The following CCDC63 variants were observed in gnomAD, a reference collection of about 807,000 sequenced individuals.
The protein encoded by CCDC63 is coiled-coil domain containing 63.
Under a neutral mutation model 63.6 loss-of-function variants are expected in CCDC63, and 54 were observed. The observed-to-expected ratio is 0.85, with a 90% CI of 0.68 to 1.07. CCDC63 has a LOEUF of 1.07. CCDC63 is among the 50% of genes least tolerant of loss of function. The pLI, the probability that CCDC63 is intolerant of heterozygous loss-of-function variation, is 0.00. For synonymous variants in CCDC63, 253 were observed against 266.1 expected, an observed-to-expected ratio of 0.95 and a Z score of 0.48; for missense variants, 637 against 689.6, an observed-to-expected ratio of 0.92 and a Z score of 0.86.
At chr12:110,906,022 T>TTATATTATATAA (rs2071571889) in intron 11 of CCDC63, among the ~76,000 whole-genome samples, 1 of 38,790 alleles carries the variant, frequency 2.6e-5, no homozygotes, top group Admixed American at 5.6e-4. Flanking sequence ...ATAATATATA[T>TTATATTATATAA]TATATATTAT....
chr12:110,905,476 G>C (rs188396161), intron 11 of CCDC63, among the ~76,000 whole-genome samples: 2 of 152,034 alleles, frequency 1.3e-5, no homozygotes, highest in Non-Finnish European at 2.9e-5. Flanking sequence ...TATGGGAACC[G>C]ATCCTTCCAG....
At chr12:110,850,288 G>T (rs2070689898) in intron 1 of CCDC63, among the ~76,000 whole-genome samples, 1 of 152,236 alleles carries the variant, frequency 6.6e-6, no homozygotes, top group Non-Finnish European at 1.5e-5. Context: ...TCCCATTGGT[G>T]AGAATTCATC....
At chr12:110,847,477 C>T (rs2070652373) in intron 1 of CCDC63, among the ~76,000 whole-genome samples, 1 of 151,678 alleles carries the variant, frequency 6.6e-6, no homozygotes, top group Non-Finnish European at 1.5e-5. Flanking sequence ...TCGCTTAAGC[C>T]CGGGAAGGTT....
At position 110,880,086 on chromosome 12, in the gene CCDC63, AGGTGGG is replaced by A; in HGVS notation, c.671_671+5del. 1 of 1,613,758 alleles carries A rather than the reference AGGTGGG, an allele frequency of 6.2e-7. No individual in the cohort carries two copies. Among genetic ancestry groups the A allele is most frequent in the Non-Finnish European group, 8.5e-7 (1 of 1,179,794 alleles). ...GCAATCTTCTCAGGCCTATGAGCAG[AGGTGGG>A]CTGGGGATAGGTCCAGGGGCAGCGA... On this transcript the variant is annotated splice_donor_variant and splice_donor_5th_base_variant and coding_sequence_variant and intron_variant, in exon 6 of 12. Coordinates refer to ENST00000308208, the MANE Select transcript of CCDC63 (RefSeq NM_152591.3). LOFTEE classifies it high-confidence loss of function.
chr12:110,852,783 G>T, intron 1 of CCDC63, 76 bp from the exon 2 acceptor site: 1 of 873,876 alleles, frequency 1.1e-6, no homozygotes, highest in South Asian at 1.5e-5. Flanking sequence ...GCAGGGGGAG[G>T]GAGGAGGTGC....
chr12:110,899,151 G>A (rs768185571), intron 10 of CCDC63, 26 bp downstream of exon 10: 2 of 1,588,022 alleles, frequency 1.3e-6, no homozygotes, highest in South Asian at 1.1e-5. Context: ...GCCCGTTGGA[G>A]TCTTAGGAAA....
chr12:110,879,954 AAGG>A lies in CCDC63; in HGVS notation c.541_543del (p.Glu181del). On this transcript the variant is annotated inframe_deletion, in exon 6 of 12. Transcript: ENST00000308208. ...GCTGACCACTAATGCCAAGCTCCGGAAGGAGATTGAAGACCTACGATTTGAGAA... is the reference window on the plus strand; with the variant it reads ...GCTGACCACTAATGCCAAGCTCCGGAAGATTGAAGACCTACGATTTGAGAA... 1 of 1,614,180 alleles carries A rather than the reference AAGG, an allele frequency of 6.2e-7. No individual in the cohort carries two copies. The highest frequency in any genetic ancestry group is 8.5e-7 in the Non-Finnish European group (1 of 1,180,012).
chr12:110,867,279 C>T (rs2070973907), intron 4 of CCDC63, among the ~76,000 whole-genome samples: 1 of 107,730 alleles, frequency 9.3e-6, no homozygotes, highest in African/African-American at 3.7e-5. Context: ...AGGGGCTCCT[C>T]ACTTCCCAGT....
At chr12:110,902,241 A>G (rs1290389441) in intron 10 of CCDC63, among the ~76,000 whole-genome samples, 5 of 152,190 alleles carry the variant, frequency 3.3e-5, no homozygotes, top group African/African-American at 1.2e-4. Flanking sequence ...CCTGGTCAGC[A>G]AGGCTTTCAG....
chr12:110,878,364 G>A (rs2071158829), intron 5 of CCDC63, among the ~76,000 whole-genome samples: 1 of 152,100 alleles, frequency 6.6e-6, no homozygotes, highest in African/African-American at 2.4e-5. Flanking sequence ...GCCCAGGCTG[G>A]AGTGCAGTGG....
intron 7 of CCDC63, among the ~76,000 whole-genome samples, chr12:110,882,280 G>A (rs568619328): frequency 6.6e-6 from 1 of 151,836 alleles, no homozygotes; most frequent in Non-Finnish European, 1.5e-5. Flanking sequence ...GGGAGGCCAA[G>A]GCGGGAGGAT....
At chr12:110,886,394 C>A (rs77052144) in intron 8 of CCDC63, among the ~76,000 whole-genome samples, 5,744 of 150,952 alleles carry the variant, frequency 0.038, 350 homozygotes, top group African/African-American at 0.13. Flanking sequence ...TCAAAAAAAA[C>A]CAAAAAAAAA....
chr12:110,892,177 T>A (rs932445400), intron 8 of CCDC63, among the ~76,000 whole-genome samples: 2 of 152,124 alleles, frequency 1.3e-5, no homozygotes, highest in Non-Finnish European at 2.9e-5. Flanking sequence ...GTTTGAGAAC[T>A]CCCACTCCAC....
rs2071400537 is a variant in CCDC63 at position 110,895,005 on chromosome 12, C to G, written c.1149+1855C>G. On this transcript the variant is annotated intron_variant, in intron 9 of 11. Transcript: ENST00000308208. ...TCTCCGCTCACTGCAACGTCCACCT[C>G]CCGGGTTCAAGCGATTCTCCTGCCT... 2.6e-5 allele frequency among the ~76,000 whole-genome samples: 4 copies of G among 152,330 alleles called. No homozygotes were observed. In the South Asian group the frequency reaches 8.3e-4, roughly 32 times the overall value.
intron 4 of CCDC63, among the ~76,000 whole-genome samples, chr12:110,871,281 A>G (rs1593662420): frequency 6.6e-6 from 1 of 152,036 alleles, no homozygotes; most frequent in African/African-American, 2.4e-5. Context: ...AGCTGGGACT[A>G]CTGGCGCCCG....
intron 10 of CCDC63, among the ~76,000 whole-genome samples, chr12:110,901,041 G>A (rs182667521): frequency 1.1e-4 from 17 of 152,288 alleles, no homozygotes; most frequent in African/African-American, 3.9e-4. Flanking sequence ...TACAGTAAAA[G>A]GGTACAGAAC....
chr12:110,857,909 C>A (rs979509798), intron 3 of CCDC63, among the ~76,000 whole-genome samples: 1 of 152,220 alleles, frequency 6.6e-6, no homozygotes, highest in East Asian at 1.9e-4. Context: ...TAGTTCGAGA[C>A]CAGCCTGGCC....
intron 5 of CCDC63, among the ~76,000 whole-genome samples, chr12:110,875,032 A>G (rs1217233337): frequency 6.6e-6 from 1 of 152,220 alleles, no homozygotes; most frequent in African/African-American, 2.4e-5. Flanking sequence ...TCATTCCTTC[A>G]CTAAACAAAG....
At chr12:110,863,390 G>A (rs1219126358) in intron 4 of CCDC63, among the ~76,000 whole-genome samples, 2 of 152,082 alleles carry the variant, frequency 1.3e-5, no homozygotes, top group African/African-American at 4.8e-5. Context: ...CTGATCATCC[G>A]AGCTGCCACT....
Sources: allele counts gnomAD v4.1 joint callset (sites outside exome capture counted in the v4.1 genomes callset), GRCh38; gene constraint gnomAD v4.1.1; transcripts MANE v1.5; gene names NCBI Gene and HGNC (gene_info 2026-07-23, HGNC 2026-07-21).